KLHL14: variants seen among roughly 807,000 people sequenced by gnomAD.
The protein encoded by KLHL14 is kelch-like protein 14.
In KLHL14, 22 loss-of-function variants were observed where a neutral mutation model predicts 64.3. That is an observed-to-expected ratio of 0.34 (90% CI 0.24 to 0.49). The LOEUF (loss-of-function observed/expected upper bound fraction) is 0.49. Ranked by LOEUF, KLHL14 falls within the 20% of genes least tolerant of loss-of-function variation. The pLI, the probability that KLHL14 is intolerant of heterozygous loss-of-function variation, is 0.99. For missense variants in KLHL14, 661 were observed against 789.0 expected, an observed-to-expected ratio of 0.84 and a Z score of 1.94; for synonymous variants, 322 against 333.4, an observed-to-expected ratio of 0.97 and a Z score of 0.37.
At chr18:32,698,037 A>G (rs1293143181) in intron 3 of KLHL14, among the ~76,000 whole-genome samples, 2 of 152,198 alleles carry the variant, frequency 1.3e-5, no homozygotes, top group African/African-American at 2.4e-5. Flanking sequence ...TCTGAATGTA[A>G]AACTCTCCCA....
At chr18:32,759,945 T>C (rs1324991006) in intron 2 of KLHL14, among the ~76,000 whole-genome samples, 1 of 152,204 alleles carries the variant, frequency 6.6e-6, no homozygotes, top group African/African-American at 2.4e-5. Flanking sequence ...GGTGAGGGCC[T>C]AGTGTACACC....
chr18:32,770,656 TGGGA>T lies in KLHL14; in HGVS notation c.-43-26_-43-23del. 8 of 205,650 alleles carry T rather than the reference TGGGA, an allele frequency of 3.9e-5. No individual in the cohort carries two copies. The highest frequency in any genetic ancestry group is 6.4e-5 in the Non-Finnish European group (8 of 124,226). The allele number at this position is 205,650 out of a possible 1,614,324, so 12.7% of individuals were successfully genotyped here. ...CAACCTGGCAGACAGGGGTGGGGGA[TGGGA>T]GGGAGGGGAGCAGGGTGGTGGAGCG... is the stretch of plus-strand genomic sequence containing the variant. On this transcript the variant is annotated intron_variant, in intron 1 of 8. Transcript: ENST00000359358. This position sits in a 1 kb window ranked among gnomAD's most constrained non-coding sequence, Gnocchi z 6.7.
intron 2 of KLHL14, among the ~76,000 whole-genome samples, chr18:32,755,909 T>G (rs1471214338): frequency 6.6e-6 from 1 of 152,238 alleles, no homozygotes; most frequent in African/African-American, 2.4e-5. Flanking sequence ...AAGAGCTATT[T>G]ATACACTGCT....
chr18:32,688,264 T>C (rs2049889769), intron 4 of KLHL14, among the ~76,000 whole-genome samples: 1 of 152,018 alleles, frequency 6.6e-6, no homozygotes, highest in South Asian at 2.1e-4. Context: ...ACTGAACAGA[T>C]AGGGGTGTGT....
chr18:32,709,579 G>T (rs1190508359), intron 3 of KLHL14, among the ~76,000 whole-genome samples: 1 of 151,996 alleles, frequency 6.6e-6, no homozygotes, highest in African/African-American at 2.4e-5. Flanking sequence ...TTCCCAAGTT[G>T]CTAGGACTAT....
At position 32,772,689 on chromosome 18, in the gene KLHL14, T is replaced by C. The variant is rs2050397335; in HGVS notation, c.-66A>G. ...TACCTGTTCTCAACCAGCTGCAAAG[T>C]CAAGGCTCACTTAAGCTCCCCCCAA... On this transcript the variant is annotated 5_prime_UTR_variant, in exon 1 of 9. Transcript: ENST00000359358. 1 of 151,934 alleles carries C rather than the reference T, an allele frequency of 6.6e-6. No individual in the cohort carries two copies. Among genetic ancestry groups the C allele is most frequent in the Admixed American group, 6.6e-5 (1 of 15,198 alleles). 9.4% of individuals were successfully genotyped at this position (151,934 alleles called of 1,614,324 possible). A position where few individuals can be genotyped will look rare whatever the true frequency, so the allele number is the denominator to read the frequency against.
chr18:32,702,568 A>T (rs1344894212), intron 3 of KLHL14, among the ~76,000 whole-genome samples: 2 of 151,828 alleles, frequency 1.3e-5, no homozygotes, highest in African/African-American at 2.4e-5. Context: ...ATTATTGAAT[A>T]AATAATTTAA....
At chr18:32,686,567 A>G (rs1174853689) in intron 5 of KLHL14, among the ~76,000 whole-genome samples, 2 of 152,140 alleles carry the variant, frequency 1.3e-5, no homozygotes, top group East Asian at 1.9e-4. Flanking sequence ...ACGTTGCAAG[A>G]CTAATTTTTT....
In KLHL14 at chr18:32,677,210, T is replaced by C. The variant is rs759677251; in HGVS notation, c.1709A>G (p.Asp570Gly). Residue 570 changes from aspartate (D) to glycine (G), a missense_variant, in exon 8 of 9, where the codon GAC becomes GGC. Asp to Gly is a moderately conservative substitution (Grantham distance 94). This residue lies in a region of KLHL14 where 330 missense variants were observed against 450.0 expected (regional missense o/e 0.73). Coordinates refer to ENST00000359358, the MANE Select transcript of KLHL14 (RefSeq NM_020805.3). The stretch of plus-strand genomic sequence containing the variant: ...GTAGCCTCCCACAAGGTAAATGCTG[T>C]CATCAAGCACTGCACAGCCAGGGCC... ...RSGPGCAVLDDSIYLVGGYSW... is the reference protein window; with the variant it reads ...RSGPGCAVLDGSIYLVGGYSW... 1.6e-5 allele frequency: 26 copies of C among 1,613,420 alleles called. No individual in the cohort carries two copies. Among genetic ancestry groups the C allele is most frequent in the Non-Finnish European group, 1.9e-5 (23 of 1,179,648 alleles).
At chr18:32,679,714 A>C (rs938998561) in intron 7 of KLHL14, among the ~76,000 whole-genome samples, 4 of 152,192 alleles carry the variant, frequency 2.6e-5, no homozygotes, top group Non-Finnish European at 5.9e-5. Flanking sequence ...TTCTAAATTT[A>C]GACACAAATA....
intron 2 of KLHL14, among the ~76,000 whole-genome samples, chr18:32,764,053 A>G (rs2050328104): frequency 6.6e-6 from 1 of 152,232 alleles, no homozygotes. Flanking sequence ...CTGGAGATAC[A>G]GATTGACACT....
In KLHL14 at chr18:32,729,766, A is replaced by G. The variant is rs562402104; in HGVS notation, c.1069+12162T>C. On this transcript the variant is annotated intron_variant, in intron 3 of 8. Transcript: ENST00000359358. ...TTGACTTGATTTTGTCTGCAAATAA[A>G]CTTTTTCTAAATAAGGTCACATTCA... Among the ~76,000 whole-genome samples the G allele has an allele frequency of 1.1e-4, 17 of 152,284 alleles. No homozygotes were observed. In the South Asian group the frequency reaches 3.3e-3, roughly 30 times the overall value.
intron 3 of KLHL14, among the ~76,000 whole-genome samples, chr18:32,697,656 C>G (rs556061704): frequency 3.9e-5 from 6 of 152,100 alleles, no homozygotes; most frequent in Non-Finnish European, 5.9e-5. Context: ...GTGTTTTGTT[C>G]TTGCCATTCA....
In KLHL14 at chr18:32,772,699, C is replaced by T. The variant is rs2144205638; in HGVS notation, c.-76G>A. On this transcript the variant is annotated 5_prime_UTR_variant, in exon 1 of 9. In the 5' UTR this introduces an upstream ATG that the reference lacks. Coordinates refer to ENST00000359358, the MANE Select transcript of KLHL14 (RefSeq NM_020805.3). Reference sequence around the variant, plus strand: ...CAACCAGCTGCAAAGTCAAGGCTCACTTAAGCTCCCCCCAAAAATCAATTG... The same window carrying T: ...CAACCAGCTGCAAAGTCAAGGCTCATTTAAGCTCCCCCCAAAAATCAATTG... 6.5e-6 allele frequency: 1 copy of T among 152,812 alleles called. No homozygotes were observed. The highest frequency in any genetic ancestry group is 1.9e-4 in the East Asian group (1 of 5,178). 9.5% of individuals were successfully genotyped at this position (152,812 alleles called of 1,614,324 possible).
intron 3 of KLHL14, among the ~76,000 whole-genome samples, chr18:32,706,286 G>C (rs1262713268): frequency 6.6e-6 from 1 of 152,104 alleles, no homozygotes; most frequent in African/African-American, 2.4e-5. Flanking sequence ...CGTGATCTTA[G>C]GAGATGTGCC....
chr18:32,727,327 T>C (rs1305787159), intron 3 of KLHL14, among the ~76,000 whole-genome samples: 2 of 152,238 alleles, frequency 1.3e-5, no homozygotes, highest in Non-Finnish European at 2.9e-5. Context: ...TTCAGGCTTT[T>C]CAGTTTAGGG....
At chr18:32,735,170 GA>G (rs2144523855) in intron 3 of KLHL14, among the ~76,000 whole-genome samples, 1 of 152,296 alleles carries the variant, frequency 6.6e-6, no homozygotes, top group East Asian at 1.9e-4. Context: ...TTTCGTGGGT[GA>G]AATGGGTCAG....
chr18:32,754,483 A>G (rs2144542989), intron 2 of KLHL14, among the ~76,000 whole-genome samples: 1 of 152,372 alleles, frequency 6.6e-6, no homozygotes. Flanking sequence ...CACTAAAATT[A>G]TATCTCTGAG....
At chr18:32,682,459 T>A (rs1312809384) in intron 5 of KLHL14, among the ~76,000 whole-genome samples, 1 of 152,180 alleles carries the variant, frequency 6.6e-6, no homozygotes, top group African/African-American at 2.4e-5. Flanking sequence ...ATGTCTTCTG[T>A]GGGGTCCGTG....
Sources: allele counts gnomAD v4.1 joint callset (sites outside exome capture counted in the v4.1 genomes callset), GRCh38; gene constraint gnomAD v4.1.1; regional missense constraint gnomAD v4.1.1; non-coding constraint Gnocchi (gnomAD v3.1); transcripts MANE v1.5; gene names NCBI Gene and HGNC (gene_info 2026-07-23, HGNC 2026-07-21).